The following TAS1R2 variants were observed in gnomAD, a reference collection of about 807,000 sequenced individuals.
TAS1R2 encodes the protein taste receptor type 1 member 2.
In TAS1R2, 47 loss-of-function variants were observed where a neutral mutation model predicts 49.3. The observed-to-expected ratio is 0.95, with a 90% CI of 0.75 to 1.22. The LOEUF (loss-of-function observed/expected upper bound fraction) is 1.22, where lower values mean the gene tolerates loss of function less well. Ranked by LOEUF, TAS1R2 falls within the 50% of genes most tolerant of loss-of-function variation. The pLI, the probability that TAS1R2 is intolerant of heterozygous loss-of-function variation, is 0.00. For synonymous variants in TAS1R2, 479 were observed against 467.9 expected (o/e 1.02, Z -0.31); for missense variants, 1,155 against 1,122.1 (o/e 1.03, Z -0.42).
intron 4 of TAS1R2, 117 bp downstream of exon 4, chr1:18,849,224 C>T (rs1933975901): frequency 9.1e-7 from 1 of 1,093,540 alleles, no homozygotes; most frequent in South Asian, 1.5e-5. Flanking sequence ...AGACATCCCC[C>T]CAGAGATTGA....
chr1:18,849,656 A>G (rs1410096936), intron 3 of TAS1R2, 106 bp from the exon 4 acceptor site: 4 of 1,257,470 alleles, frequency 3.2e-6, no homozygotes, highest in Non-Finnish European at 4.5e-6. Flanking sequence ...TTGATTTCCA[A>G]CTCTGTAATA....
chr1:18,841,578 G>A, intron 5 of TAS1R2, 151 bp downstream of exon 5: 2 of 1,174,070 alleles, frequency 1.7e-6, no homozygotes, highest in Non-Finnish European at 2.3e-6. Flanking sequence ...GGATACAAGA[G>A]GAATCAGATC....
At chr1:18,841,875 C>A (rs1479633504) in intron 4 of TAS1R2, 23 bp from the exon 5 acceptor site, 5 of 1,555,388 alleles carry the variant, frequency 3.2e-6, no homozygotes, top group Non-Finnish European at 4.4e-6. Flanking sequence ...GGGCAAGAGA[C>A]CCTGAGTCCT....
At chr1:18,852,583 T>A (rs1256046857) in intron 3 of TAS1R2, among the ~76,000 whole-genome samples, 2 of 152,180 alleles carry the variant, frequency 1.3e-5, no homozygotes, top group Non-Finnish European at 2.9e-5. Flanking sequence ...AAGAATGTCA[T>A]CTCAGTGCTT....
chr1:18,854,445 C>G lies in TAS1R2; in HGVS notation c.1025G>C (p.Gly342Ala). ...GAGGGGTGGCGGCCCAGCCTGTGGGCCCCACTCGCGGAACTCACTGAAGCC... is the reference window on the plus strand; with the variant it reads ...GAGGGGTGGCGGCCCAGCCTGTGGGGCCCACTCGCGGAACTCACTGAAGCC... The change falls in exon 3 of 6, where the codon GGC becomes GCC. Residue 342 changes from glycine to alanine, a missense_variant. Physicochemically the swap from Gly to Ala is moderately conservative, Grantham distance 60. Coordinates refer to ENST00000375371, the Ensembl canonical transcript of TAS1R2. This position sits in a 1 kb window ranked among gnomAD's most constrained non-coding sequence, Gnocchi z 4.9. The G allele has an allele frequency of 6.2e-7, 1 of 1,614,150 alleles. No individual in the cohort carries two copies. Among genetic ancestry groups the G allele is most frequent in the Non-Finnish European group, 8.5e-7 (1 of 1,180,022 alleles).
chr1:18,850,084 A>T (rs1343570812), intron 3 of TAS1R2, among the ~76,000 whole-genome samples: 1 of 151,966 alleles, frequency 6.6e-6, no homozygotes, highest in Non-Finnish European at 1.5e-5. Flanking sequence ...ACCTCCCCAG[A>T]CCTTAGGGTC....
chr1:18,853,641 A>C (rs1208307810), intron 3 of TAS1R2, among the ~76,000 whole-genome samples: 1 of 152,218 alleles, frequency 6.6e-6, no homozygotes, highest in East Asian at 1.9e-4. Context: ...TGAAAAAGCC[A>C]AGGAACCATT....
chr1:18,843,537 G>T (rs769934324), intron 4 of TAS1R2, among the ~76,000 whole-genome samples: 10 of 152,218 alleles, frequency 6.6e-5, no homozygotes, highest in Admixed American at 3.3e-4. Context: ...AGGTGATTCA[G>T]AAGGCTTTCA....
Position 18,849,340 on chromosome 1 carries a change from C to G in TAS1R2, c.1467+1G>C. 7.4e-6 allele frequency: 12 copies of G among 1,613,718 alleles called. No homozygotes were observed. The highest frequency in any genetic ancestry group is 9.3e-6 in the Non-Finnish European group (11 of 1,179,984). On this transcript the variant is annotated splice_donor_variant, in intron 4 of 5. Coordinates refer to ENST00000375371, the Ensembl canonical transcript of TAS1R2. LOFTEE classifies it high-confidence loss of function. ...CCCACCCACCAGGCCCCCTGGCTGA[C>G]CGTGTTGTTGATGGTGTGCCAGGAG...
intron 3 of TAS1R2, among the ~76,000 whole-genome samples, chr1:18,852,753 A>T (rs1370311455): frequency 6.6e-6 from 1 of 152,120 alleles, no homozygotes; most frequent in Non-Finnish European, 1.5e-5. Flanking sequence ...CTCCTCCTGG[A>T]AGGTCCAGTG....
chr1:18,848,629 C>T (rs1329978321), intron 4 of TAS1R2, among the ~76,000 whole-genome samples: 1 of 152,160 alleles, frequency 6.6e-6, no homozygotes, highest in Non-Finnish European at 1.5e-5. Flanking sequence ...TTTACAACTG[C>T]TCCCCATCAC....
chr1:18,855,124 A>T, intron 2 of TAS1R2, 138 bp from the exon 3 acceptor site: 2 of 1,057,392 alleles, frequency 1.9e-6, no homozygotes, highest in Non-Finnish European at 2.7e-6. Context: ...CACCATCGTC[A>T]ATCATCATGG....
rs1339010417 is a variant in TAS1R2, at chr1:18,854,971, T to A, written c.499A>T (p.Ile167Phe). The change falls in exon 3 of 6, where the codon ATC becomes TTC. Residue 167 changes from isoleucine to phenylalanine, a missense_variant. Physicochemically the swap from Ile to Phe is conservative, Grantham distance 21. Transcript: ENST00000375371. The surrounding 1 kb of genome is among the most constrained non-coding windows in gnomAD (Gnocchi z 4.9). ...ACCTTGTCTCGCAGCTCATCGCTGA[T>A]GGCGCTGTAGGTGATCTGCAAGGGG... 1.5e-5 allele frequency: 24 copies of A among 1,606,154 alleles called. No individual in the cohort carries two copies. Among genetic ancestry groups the A allele is most frequent in the Non-Finnish European group, 2.0e-5 (23 of 1,173,414 alleles).
intron 3 of TAS1R2, among the ~76,000 whole-genome samples, chr1:18,850,275 G>C (rs1335511827): frequency 6.6e-6 from 1 of 152,258 alleles, no homozygotes; most frequent in East Asian, 1.9e-4. Flanking sequence ...GGCTAACGCT[G>C]AAAGGACTTC....
At chr1:18,856,262 C>A (rs1557600357) in intron 2 of TAS1R2, among the ~76,000 whole-genome samples, 1 of 152,130 alleles carries the variant, frequency 6.6e-6, no homozygotes, top group Non-Finnish European at 1.5e-5. Flanking sequence ...CTTGCTAACC[C>A]CTCTTCTTGG....
At chr1:18,843,198 G>T (rs965960253) in intron 4 of TAS1R2, among the ~76,000 whole-genome samples, 2 of 152,158 alleles carry the variant, frequency 1.3e-5, no homozygotes, top group Non-Finnish European at 2.9e-5. Flanking sequence ...AGAATATCAC[G>T]CTGGTCTATG....
rs149445409 is a variant in TAS1R2 at position 18,840,020 on chromosome 1, G to A, written c.2099C>T (p.Thr700Met). 28 of 1,613,208 alleles carry A rather than the reference G, an allele frequency of 1.7e-5. No homozygotes were observed. In the Admixed American group the frequency reaches 2.2e-4, roughly 12 times the overall value. The change falls in exon 6 of 6, where the codon ACG (threonine) becomes ATG (methionine). Residue 700 changes from threonine to methionine, a missense_variant. Physicochemically the swap from Thr to Met is moderately conservative, Grantham distance 81 (BLOSUM62 -1). Coordinates refer to ENST00000375371, the Ensembl canonical transcript of TAS1R2. ...AGTACGGGTGGTGGGACTGAGGCCC[G>A]TGGCCAGCATGCCAATTACCACAAT...
chr1:18,846,005 A>C, intron 4 of TAS1R2, among the ~76,000 whole-genome samples: 1 of 152,166 alleles, frequency 6.6e-6, no homozygotes, highest in East Asian at 1.9e-4. Context: ...TGCTCTAAAA[A>C]GTCTGTGACT....
intron 4 of TAS1R2, 112 bp downstream of exon 4, chr1:18,849,229 G>A: frequency 3.5e-6 from 4 of 1,135,694 alleles, no homozygotes; most frequent in African/African-American, 1.5e-5. Context: ...TCCCCCCAGA[G>A]ATTGATAAAG....
Sources: allele counts gnomAD v4.1 joint callset (sites outside exome capture counted in the v4.1 genomes callset), GRCh38; gene constraint gnomAD v4.1.1; non-coding constraint Gnocchi (gnomAD v3.1); transcripts MANE v1.5; gene names NCBI Gene and HGNC (gene_info 2026-07-23, HGNC 2026-07-21).